MROH1: variants seen among roughly 807,000 people sequenced by gnomAD.
The protein encoded by MROH1 is maestro heat like repeat family member 1, also known as maestro heat-like repeat-containing protein family member 1.
MROH1 carries 117 observed loss-of-function variants against 116.5 expected under a neutral mutation model. That is an observed-to-expected ratio of 1.00 (90% CI 0.86 to 1.17). The LOEUF (loss-of-function observed/expected upper bound fraction) is 1.17, where lower values mean the gene tolerates loss of function less well. Among genes scored for constraint, MROH1 ranks in the 50% most tolerant of loss-of-function variants. The pLI, the probability that MROH1 is intolerant of heterozygous loss-of-function variation, is 0.00. For missense variants in MROH1, 1,873 were observed against 1,338.5 expected (o/e 1.40, Z -6.23); for synonymous variants, 921 against 583.9 (o/e 1.58, Z -8.32).
At chr8:144,172,002 C>T (rs1326797151) in intron 4 of MROH1, among the ~76,000 whole-genome samples, 1 of 152,160 alleles carries the variant, frequency 6.6e-6, no homozygotes, top group African/African-American at 2.4e-5. Context: ...AAACAGAGAT[C>T]GTAAGTCTGA....
intron 1 of MROH1, among the ~76,000 whole-genome samples, chr8:144,156,264 AG>A (rs1245852189): frequency 3.4e-5 from 5 of 147,828 alleles, no homozygotes; most frequent in Non-Finnish European, 5.9e-5. Context: ...AAAAAAAAAA[AG>A]TTGAGCAGGT....
chr8:144,242,305 G>A (rs991971814), intron 22 of MROH1, 64 bp from the exon 23 acceptor site: 10 of 779,666 alleles, frequency 1.3e-5, no homozygotes, highest in African/African-American at 3.4e-5. Context: ...TTTCTGAGCC[G>A]AGGATTCCCG....
intron 11 of MROH1, 86 bp downstream of exon 11, chr8:144,199,286 T>TGGGGTACTGGTCGGGGATGAGG (rs2131780141): frequency 2.1e-6 from 3 of 1,400,908 alleles, no homozygotes; most frequent in Admixed American, 3.9e-5. Context: ...TGGTGGTGGC[T>TGGGGTACTGGTCGGGGATGAGG]GGGGTACTGG....
rs1029563655 is a variant in MROH1, at chr8:144,168,453, C to T, written c.168+13C>T. On this transcript the variant is annotated intron_variant, in intron 4 of 43. Coordinates refer to ENST00000326134, the MANE Select transcript of MROH1 (RefSeq NM_032450.3). ...GCAGCATGACAAGGTATGTGTGCTCCTTGGTGGGGATGATGTTGTCAGGGC... is the reference window on the plus strand; with the variant it reads ...GCAGCATGACAAGGTATGTGTGCTCTTTGGTGGGGATGATGTTGTCAGGGC... The T allele has an allele frequency of 6.3e-6, 10 of 1,592,726 alleles. No homozygotes were observed. The highest frequency in any genetic ancestry group is 1.3e-5 in the African/African-American group (1 of 74,600).
chr8:144,179,684 TG>T (rs1196421974), intron 5 of MROH1, 98 bp downstream of exon 5: 1 of 1,474,590 alleles, frequency 6.8e-7, no homozygotes, highest in Non-Finnish European at 9.2e-7. Flanking sequence ...GAGTATAGGG[TG>T]GTGTTTGGCT....
At chr8:144,171,442 G>T (rs1822419713) in intron 4 of MROH1, among the ~76,000 whole-genome samples, 1 of 152,218 alleles carries the variant, frequency 6.6e-6, no homozygotes, top group Admixed American at 6.5e-5. Flanking sequence ...ACCTGCGTGG[G>T]TTCCGCTACC....
At chr8:144,236,222 T>C (rs938650556) in intron 14 of MROH1, among the ~76,000 whole-genome samples, 1 of 152,118 alleles carries the variant, frequency 6.6e-6, no homozygotes, top group Non-Finnish European at 1.5e-5. Flanking sequence ...TTGATCCAGG[T>C]GATGCAGTTT....
intron 12 of MROH1, among the ~76,000 whole-genome samples, chr8:144,201,733 G>A (rs1260673819): frequency 6.6e-6 from 1 of 151,786 alleles, no homozygotes; most frequent in African/African-American, 2.4e-5. Context: ...CAGCAGGGCC[G>A]GCCGGGCAGT....
At chr8:144,239,014 C>T (rs1840513713) in intron 15 of MROH1, 21 bp from the exon 16 acceptor site, 1 of 776,888 alleles carries the variant, frequency 1.3e-6, no homozygotes, top group Admixed American at 1.7e-5. Flanking sequence ...CGGATGCAGA[C>T]CAGGCCCTCT....
In MROH1 at chr8:144,180,573, G is replaced by A. The variant is rs1462955571; in HGVS notation, c.562+50G>A. Reference sequence around the variant, plus strand: ...TGTCTCAAGTGCCCCTTTGTGGGGGGCTGTTCCCGGGCATGCCTGTTTTAG... The same window carrying A: ...TGTCTCAAGTGCCCCTTTGTGGGGGACTGTTCCCGGGCATGCCTGTTTTAG... On this transcript the variant is annotated intron_variant, in intron 7 of 43. Transcript: ENST00000326134. This position sits in a 1 kb window ranked among gnomAD's most constrained non-coding sequence, Gnocchi z 7.4. 1.3e-6 allele frequency: 2 copies of A among 1,558,916 alleles called. No homozygotes were observed. The highest frequency in any genetic ancestry group is 4.5e-5 in the East Asian group (2 of 44,502).
chr8:144,211,217 G>A (rs1344341093), intron 12 of MROH1, among the ~76,000 whole-genome samples: 7 of 152,194 alleles, frequency 4.6e-5, no homozygotes, highest in South Asian at 2.1e-4. Flanking sequence ...AGTCCCTTGG[G>A]CAAGACGATA....
intron 13 of MROH1, among the ~76,000 whole-genome samples, chr8:144,221,251 C>A (rs1461346335): frequency 6.6e-5 from 10 of 152,190 alleles, no homozygotes; most frequent in Non-Finnish European, 5.9e-5. Context: ...GCTGATGCCA[C>A]GTGGCCCGTA....
At position 144,240,134 on chromosome 8, in the gene MROH1, G is replaced by A; in HGVS notation, c.1808G>A (p.Trp603Ter). The change falls in exon 19 of 44, where the codon TGG (tryptophan) becomes TAG (stop). Residue 603 changes from tryptophan to a stop codon, truncating the protein, a stop_gained. Transcript: ENST00000326134. LOFTEE classifies it high-confidence loss of function. ...HTEETLPQEEWEEKLLMFLRD... is the reference protein window; with the variant it reads ...HTEETLPQEE ...GAAGAGACCCTGCCACAGGAGGAGTGGGAGGAGAAGCTGTTGATGGTGAGG... is the reference window on the plus strand; with the variant it reads ...GAAGAGACCCTGCCACAGGAGGAGTAGGAGGAGAAGCTGTTGATGGTGAGG... The A allele has an allele frequency of 2.6e-6, 2 of 778,788 alleles. No homozygotes were observed. The highest frequency in any genetic ancestry group is 4.8e-6 in the Non-Finnish European group (2 of 417,148). 48.2% of individuals were successfully genotyped at this position (778,788 alleles called of 1,614,324 possible). A position where few individuals can be genotyped will look rare whatever the true frequency, so the allele number is the denominator to read the frequency against.
chr8:144,220,289 G>A (rs1291976524), intron 12 of MROH1, among the ~76,000 whole-genome samples: 1 of 152,184 alleles, frequency 6.6e-6, no homozygotes, highest in Non-Finnish European at 1.5e-5. Context: ...CAGTGATTCT[G>A]ATGCTGTAGC....
chr8:144,260,148 T>C (rs1844743350), intron 38 of MROH1, 38 bp from the exon 39 acceptor site: 6 of 761,736 alleles, frequency 7.9e-6, no homozygotes, highest in South Asian at 5.4e-5. Context: ...TAGCAGACGG[T>C]GACTCTGGGA....
Position 144,260,259 on chromosome 8 carries a change from C to T in MROH1, c.4265C>T (p.Pro1422Leu). The T allele has an allele frequency of 1.3e-6, 1 of 766,488 alleles. No homozygotes were observed. Among genetic ancestry groups the T allele is most frequent in the Middle Eastern group, 2.6e-4 (1 of 3,780 alleles). 47.5% of individuals were successfully genotyped at this position (766,488 alleles called of 1,614,324 possible). The change falls in exon 39 of 44, where the codon CCA (proline) becomes CTA (leucine). Residue 1422 changes from proline (P) to leucine (L), a missense_variant. By Grantham distance (98) the Pro-to-Leu change is moderately conservative (BLOSUM62 -3). Coordinates refer to ENST00000326134, the MANE Select transcript of MROH1 (RefSeq NM_032450.3). ...GACGACGGGGACAACCCTCACAGCC[C>T]AGTGGCCCTGGAGGCCATGCTGGGC... Reference protein sequence around the residue: ...GLDDGDNPHSPVALEAMLGLA... With the variant: ...GLDDGDNPHSLVALEAMLGLA...
chr8:144,172,755 A>C (rs1008812119), intron 4 of MROH1, among the ~76,000 whole-genome samples: 3 of 151,994 alleles, frequency 2.0e-5, no homozygotes, highest in Admixed American at 6.6e-5. Flanking sequence ...CTCTGAATCC[A>C]CCTACGCCCT....
chr8:144,151,509 C>G (rs1816784334), intron 1 of MROH1, among the ~76,000 whole-genome samples: 1 of 152,166 alleles, frequency 6.6e-6, no homozygotes, highest in Non-Finnish European at 1.5e-5. Flanking sequence ...AAGACCATCT[C>G]CTTTCTGGCT....
Position 144,231,730 on chromosome 8 carries a change from C to A in MROH1, c.1339-7026C>A, listed in dbSNP as rs1838926214. Among the ~76,000 whole-genome samples, 5 of 152,166 alleles carry A rather than the reference C, an allele frequency of 3.3e-5. No homozygotes were observed. The South Asian group carries it at 1.0e-3, about 31-fold the overall frequency. Reference sequence around the variant, plus strand: ...TTCCAAGAATGAGCAAAATGTGACACAGAGACACACACCAAGCACAGGCTG... The same window carrying A: ...TTCCAAGAATGAGCAAAATGTGACAAAGAGACACACACCAAGCACAGGCTG... On this transcript the variant is annotated intron_variant, in intron 14 of 43. Transcript: ENST00000326134.
Sources: allele counts gnomAD v4.1 joint callset (sites outside exome capture counted in the v4.1 genomes callset), GRCh38; gene constraint gnomAD v4.1.1; non-coding constraint Gnocchi (gnomAD v3.1); transcripts MANE v1.5; gene names NCBI Gene and HGNC (gene_info 2026-07-23, HGNC 2026-07-21).